Variants in CNBP observed in about 807,000 individuals in gnomAD.
The protein encoded by CNBP is cellular nucleic acid-binding protein.
CNBP carries 6 observed loss-of-function variants against 21.2 expected under a neutral mutation model. The observed-to-expected ratio is 0.28, with a 90% CI of 0.16 to 0.56. CNBP has a LOEUF of 0.56. CNBP is among the 20% of genes least tolerant of loss of function. The pLI, the probability that CNBP is intolerant of heterozygous loss-of-function variation, is 0.93. For missense variants in CNBP, 112 were observed against 233.1 expected (o/e 0.48, Z 3.38); for synonymous variants, 61 against 74.9 (o/e 0.81, Z 0.96).
rs1284260926 is a variant in CNBP, at chr3:129,170,510, G to T, written c.477C>A (p.Tyr159Ter). ...CAAGGTGCCCTGACTCGCCACAGCG[G>T]TAACAGTTGACTTCACTTGTCTTGC... The part of the protein sequence containing the change: ...NCSKTSEVNC[Y>*]RCGESGHLAR... The change falls in exon 5 of 5, where the codon TAC (tyrosine) becomes TAA (stop). Residue 159 changes from tyrosine (Y) to a stop codon, truncating the protein, a stop_gained. Coordinates refer to ENST00000422453, the MANE Select transcript of CNBP (RefSeq NM_003418.5). LOFTEE classifies it high-confidence loss of function. 1.2e-6 allele frequency: 2 copies of T among 1,614,076 alleles called. No homozygotes were observed. Among genetic ancestry groups the T allele is most frequent in the Non-Finnish European group, 8.5e-7 (1 of 1,180,040 alleles).
Position 129,169,052 on chromosome 3 carries a change from A to G in CNBP, c.*1401T>C, listed in dbSNP as rs1016271620. 1.3e-5 allele frequency among the ~76,000 whole-genome samples: 2 copies of G among 151,942 alleles called. No homozygotes were observed. Among genetic ancestry groups the G allele is most frequent in the Non-Finnish European group, 2.9e-5 (2 of 67,994 alleles). On this transcript the variant is annotated 3_prime_UTR_variant, in exon 5 of 5. Transcript: ENST00000422453. ...AGGAGGCGGAGCTTGCAGTGAGCCG[A>G]GATCGCACCACTACACTCCAGCCTG...
At chr3:129,177,061 T>C (rs1011740046) in intron 1 of CNBP, among the ~76,000 whole-genome samples, 2 of 152,220 alleles carry the variant, frequency 1.3e-5, no homozygotes, top group African/African-American at 4.8e-5. Flanking sequence ...ATCCAGGTTC[T>C]GTTAGTCCAA....
At chr3:129,177,737 C>G (rs1053454156) in intron 1 of CNBP, among the ~76,000 whole-genome samples, 3 of 152,128 alleles carry the variant, frequency 2.0e-5, no homozygotes, top group Non-Finnish European at 2.9e-5. Context: ...CATTTTCAAC[C>G]ACCAGACATC....
chr3:129,180,264 C>G (rs2107647357), intron 1 of CNBP, among the ~76,000 whole-genome samples: 1 of 151,914 alleles, frequency 6.6e-6, no homozygotes, highest in African/African-American at 2.4e-5. Flanking sequence ...CAAAGTAAAA[C>G]TAATACTGAT....
At chr3:129,179,121 C>T (rs1341939746) in intron 1 of CNBP, among the ~76,000 whole-genome samples, 1 of 151,806 alleles carries the variant, frequency 6.6e-6, no homozygotes, top group African/African-American at 2.4e-5. Context: ...CTACTAAAAA[C>T]ACAAAATTGG....
chr3:129,172,607 G>GCC (rs1560034569), intron 1 of CNBP, among the ~76,000 whole-genome samples: 2 of 28,970 alleles, frequency 6.9e-5, no homozygotes, highest in African/African-American at 1.5e-4. Context: ...CAGGCAGGCA[G>GCC]ACAGGCAGAC....
At chr3:129,182,377 T>C (rs1420014452) in intron 1 of CNBP, among the ~76,000 whole-genome samples, 2 of 152,176 alleles carry the variant, frequency 1.3e-5, no homozygotes, top group Non-Finnish European at 2.9e-5. Context: ...CACAGACGAT[T>C]ACTGAGCAAT....
chr3:129,171,028 T>C (rs376863086), intron 4 of CNBP, 51 bp downstream of exon 4: 1 of 1,553,962 alleles, frequency 6.4e-7, no homozygotes, highest in Non-Finnish European at 8.7e-7. Context: ...AATTCATCTC[T>C]GGAAGAATCT....
chr3:129,175,852 C>T (rs953223927), intron 1 of CNBP, among the ~76,000 whole-genome samples: 1 of 152,138 alleles, frequency 6.6e-6, no homozygotes, highest in African/African-American at 2.4e-5. Context: ...CAACATGACA[C>T]GTGATTTTAA....
chr3:129,172,787 A>ATGGT (rs1937641934), intron 1 of CNBP, among the ~76,000 whole-genome samples: 1 of 152,028 alleles, frequency 6.6e-6, no homozygotes, highest in South Asian at 2.1e-4. Context: ...ACACATTTGC[A>ATGGT]TGGTTATAAG....
Position 129,171,246 on chromosome 3 carries a change from A to G in CNBP, c.249T>C (p.Ile83=), listed in dbSNP as rs762364597. The G allele has an allele frequency of 8.7e-6, 14 of 1,614,128 alleles. No homozygotes were observed. The East Asian group carries it at 3.1e-4, about 36-fold the overall frequency. ...ACYNCGRGGH[I]AKDCKEPKRE... is the part of the protein sequence containing the mutation. Reference sequence around the variant, plus strand: ...TCTTGGGCTCCTTGCAGTCCTTGGCAATGTGGCCACCTCTACCGCAGTTAT... The same window carrying G: ...TCTTGGGCTCCTTGCAGTCCTTGGCGATGTGGCCACCTCTACCGCAGTTAT... Residue 83 remains isoleucine (I), a synonymous_variant, in exon 4 of 5, where the codon ATT becomes ATC. Transcript: ENST00000422453.
intron 1 of CNBP, among the ~76,000 whole-genome samples, chr3:129,181,321 G>A (rs746577617): frequency 7.3e-6 from 1 of 136,304 alleles, no homozygotes; most frequent in African/African-American, 2.8e-5. Flanking sequence ...CTTTAAAAAA[G>A]ACATCTCCCT....
At chr3:129,173,909 G>A (rs891318315) in intron 1 of CNBP, among the ~76,000 whole-genome samples, 12 of 152,062 alleles carry the variant, frequency 7.9e-5, no homozygotes, top group Middle Eastern at 3.2e-3. Flanking sequence ...AACGCAGTCC[G>A]AAAAATGGCA....
chr3:129,180,930 T>G (rs1290094034), intron 1 of CNBP, among the ~76,000 whole-genome samples: 1 of 152,046 alleles, frequency 6.6e-6, no homozygotes, highest in Non-Finnish European at 1.5e-5. Flanking sequence ...ATATTTTTAT[T>G]GAACTTTAAA....
In CNBP at chr3:129,170,446, A is replaced by T. The variant is rs946165526; in HGVS notation, c.*7T>A. 7.5e-6 allele frequency: 12 copies of T among 1,609,286 alleles called. 1 individual carries two copies. The Admixed American group carries it at 1.5e-4, about 20-fold the overall frequency. On this transcript the variant is annotated 3_prime_UTR_variant, in exon 5 of 5. Transcript: ENST00000422453. ...TCAGAAAAAGGAGGGGCGACAAAGGAAAATAATTAGGCTGTAGCCTCAATT... is the reference window on the plus strand; with the variant it reads ...TCAGAAAAAGGAGGGGCGACAAAGGTAAATAATTAGGCTGTAGCCTCAATT...
At chr3:129,171,878 A>G in intron 1 of CNBP, 107 bp from the exon 2 acceptor site, 1 of 1,236,184 alleles carries the variant, frequency 8.1e-7, no homozygotes, top group Non-Finnish European at 1.1e-6. Context: ...AAAGCTAGCT[A>G]ATATATTGGT....
rs1560029306 is a variant in CNBP at position 129,168,254 on chromosome 3, A to G, written c.*2199T>C. 6.6e-6 allele frequency among the ~76,000 whole-genome samples: 1 copy of G among 152,200 alleles called. No individual in the cohort carries two copies. Among genetic ancestry groups the G allele is most frequent in the Admixed American group, 6.5e-5 (1 of 15,272 alleles). Reference sequence around the variant, plus strand: ...ATTAAGTTTAACTCATCTATTAAAAAGTGAGTTAAAACAGATGAGTTTTAA... The same window carrying G: ...ATTAAGTTTAACTCATCTATTAAAAGGTGAGTTAAAACAGATGAGTTTTAA... On this transcript the variant is annotated 3_prime_UTR_variant, in exon 5 of 5. Coordinates refer to ENST00000422453, the MANE Select transcript of CNBP (RefSeq NM_003418.5).
intron 1 of CNBP, among the ~76,000 whole-genome samples, chr3:129,173,500 T>C (rs1225133436): frequency 6.6e-6 from 1 of 152,200 alleles, no homozygotes; most frequent in Non-Finnish European, 1.5e-5. Context: ...CCTTTCCAAA[T>C]GTTTCTGTAA....
At chr3:129,180,021 A>AG (rs1938186694) in intron 1 of CNBP, among the ~76,000 whole-genome samples, 1 of 152,144 alleles carries the variant, frequency 6.6e-6, no homozygotes, top group Admixed American at 6.5e-5. Context: ...AAAAAAGAAA[A>AG]GGAAAAAAAA....
Sources: gnomAD v4.1 joint callset for allele counts (sites outside exome capture counted in the v4.1 genomes callset) on GRCh38, gnomAD v4.1.1 for gene constraint, MANE v1.5 for transcripts, NCBI Gene and HGNC (gene_info 2026-07-23, HGNC 2026-07-21) for gene names.